Variants in EVPL observed in about 807,000 individuals in gnomAD.
EVPL encodes envoplakin.
EVPL carries 94 observed loss-of-function variants against 129.7 expected under a neutral mutation model. That is an observed-to-expected ratio of 0.72 (90% CI 0.61 to 0.86). EVPL has a LOEUF of 0.86. Ranked by LOEUF, EVPL falls within the 40% of genes least tolerant of loss-of-function variation. The pLI, the probability that EVPL is intolerant of heterozygous loss-of-function variation, is 0.00. For missense variants in EVPL, 2,625 were observed against 2,721.1 expected (o/e 0.96, Z 0.79); for synonymous variants, 1,172 against 1,191.1 (o/e 0.98, Z 0.33).
chr17:76,019,112 G>C, intron 10 of EVPL, 52 bp from the exon 11 acceptor site: 1 of 1,501,918 alleles, frequency 6.7e-7, no homozygotes, highest in Non-Finnish European at 8.8e-7. Flanking sequence ...ATTGGAGGCT[G>C]GCCACACCAT....
chr17:76,014,591 G>A lies in EVPL; in HGVS notation c.2223-15C>T. ...CCACCTTCTCCCTGCAGGAGGACGA[G>A]GCCCAGAACAGAGATAAGACCTGCC... is the stretch of plus-strand genomic sequence containing the variant. On this transcript the variant is annotated splice_polypyrimidine_tract_variant and intron_variant, in intron 17 of 21. Transcript: ENST00000301607. 6.2e-7 allele frequency: 1 copy of A among 1,610,376 alleles called. No homozygotes were observed. The highest frequency in any genetic ancestry group is 8.5e-7 in the Non-Finnish European group (1 of 1,179,144).
At position 76,024,049 on chromosome 17, in the gene EVPL, A is replaced by G; in HGVS notation, c.170T>C (p.Ile57Thr). 3 of 1,613,750 alleles carry G rather than the reference A, an allele frequency of 1.9e-6. No homozygotes were observed. In the South Asian group the frequency reaches 3.3e-5, roughly 18 times the overall value. Reference protein sequence around the residue: ...QANADQVERDILETQKRLQQD... With the variant: ...QANADQVERDTLETQKRLQQD... ...CTGCAGCCTCTTCTGCGTCTCCAGG[A>G]TGTCCCGCTCCACCTGGTCGGCGTT... Residue 57 changes from isoleucine to threonine, a missense_variant, in exon 2 of 22, where the codon ATC becomes ACC. This residue lies in a region of EVPL where 139 missense variants were observed against 186.8 expected (regional missense o/e 0.74). Coordinates refer to ENST00000301607, the MANE Select transcript of EVPL (RefSeq NM_001988.4). The surrounding 1 kb of genome is among the most constrained non-coding windows in gnomAD (Gnocchi z 4.5).
At chr17:76,026,384 T>G (rs2066498530) in intron 1 of EVPL, among the ~76,000 whole-genome samples, 1 of 152,052 alleles carries the variant, frequency 6.6e-6, no homozygotes, top group African/African-American at 2.4e-5. Flanking sequence ...TATTTTTTAT[T>G]TTTATTTTTT....
At position 76,018,509 on chromosome 17, in the gene EVPL, C is replaced by G. The variant is rs777858303; in HGVS notation, c.1376G>C (p.Arg459Pro). The G allele has an allele frequency of 3.7e-6, 6 of 1,612,446 alleles. No individual in the cohort carries two copies. Among genetic ancestry groups the G allele is most frequent in the Non-Finnish European group, 5.1e-6 (6 of 1,179,816 alleles). Residue 459 changes from arginine to proline, a missense_variant, in exon 12 of 22, where the codon CGT becomes CCT. Physicochemically the swap from Arg to Pro is moderately radical, Grantham distance 103. This residue lies in a region of EVPL where 1,024 missense variants were observed against 997.5 expected (regional missense o/e 1.03). Coordinates refer to ENST00000301607, the MANE Select transcript of EVPL (RefSeq NM_001988.4). Reference sequence around the variant, plus strand: ...GATGCAGAAGCAGGCGGCGGGAGCACGCTTGGTCTCCCCGCCAGGGCCCTG... The same window carrying G: ...GATGCAGAAGCAGGCGGCGGGAGCAGGCTTGGTCTCCCCGCCAGGGCCCTG... ...VVQGPGGETKRAPAACFCIPA... is the reference protein window; with the variant it reads ...VVQGPGGETKPAPAACFCIPA...
At chr17:76,016,740 C>T (rs2066421461) in intron 14 of EVPL, among the ~76,000 whole-genome samples, 1 of 152,090 alleles carries the variant, frequency 6.6e-6, no homozygotes, top group Non-Finnish European at 1.5e-5. Flanking sequence ...ATGGCAAAAC[C>T]CCATCTCTAC....
rs2066321449 is a variant in EVPL at position 76,007,096 on chromosome 17, G to C, written c.*7C>G. 4 of 1,453,636 alleles carry C rather than the reference G, an allele frequency of 2.8e-6. No homozygotes were observed. The highest frequency in any genetic ancestry group is 3.6e-6 in the Non-Finnish European group (4 of 1,102,726). 90.0% of individuals were successfully genotyped at this position (1,453,636 alleles called of 1,614,324 possible). On this transcript the variant is annotated 3_prime_UTR_variant, in exon 22 of 22. Coordinates refer to ENST00000301607, the MANE Select transcript of EVPL (RefSeq NM_001988.4). The surrounding 1 kb of genome is among the most constrained non-coding windows in gnomAD (Gnocchi z 8.8). ...CACGCACTTCCCCACTGGCTCCTTG[G>C]CCCGTGTCAGCGAAGGGAGCGCGGG...
In EVPL at chr17:76,027,163, C is replaced by T. The variant is rs1202319884; in HGVS notation, c.36G>A (p.Lys12=). The T allele has an allele frequency of 6.3e-7, 1 of 1,586,344 alleles. No homozygotes were observed. The highest frequency in any genetic ancestry group is 8.6e-7 in the Non-Finnish European group (1 of 1,169,578). The change falls in exon 1 of 22, where the codon AAG becomes AAA. Residue 12 remains lysine, a synonymous_variant. Transcript: ENST00000301607. ...TGGCGGGGGAGCCCTTGGGGGACCC[C>T]TTCCCCTGGGAGCCTTTGCTCAGCC... is the stretch of plus-strand genomic sequence containing the variant. ...FKGLSKGSQG[K]GSPKGSPAKG... is the part of the protein sequence containing the mutation.
chr17:76,008,239 C>T lies in EVPL; in HGVS notation c.4966G>A (p.Glu1656Lys). The stretch of plus-strand genomic sequence containing the variant: ...GCGTGGAGGTCCCGGAGCGTCCGCT[C>T]CTTCTCGTAGATCTGGTCCTTCTCG... ...LREKDQIYEKERTLRDLHAKV... is the reference protein window; with the variant it reads ...LREKDQIYEKKRTLRDLHAKV... The change falls in exon 22 of 22, where the codon GAG (glutamate) becomes AAG (lysine). Residue 1656 changes from glutamate to lysine, a missense_variant. Around this residue, in one of 4 missense-constraint regions of EVPL, gnomAD observed 1,453 missense variants for 1,511.8 expected, o/e 0.96. Transcript: ENST00000301607. This position sits in a 1 kb window ranked among gnomAD's most constrained non-coding sequence, Gnocchi z 7.4. The T allele has an allele frequency of 6.2e-7, 1 of 1,613,830 alleles. No homozygotes were observed. Among genetic ancestry groups the T allele is most frequent in the South Asian group, 1.1e-5 (1 of 91,084 alleles).
chr17:76,026,765 C>G (rs2066500802), intron 1 of EVPL, among the ~76,000 whole-genome samples: 1 of 150,882 alleles, frequency 6.6e-6, no homozygotes, highest in African/African-American at 2.5e-5. Flanking sequence ...TCTCCTGTCT[C>G]CCAGCCTCTG....
Position 76,008,643 on chromosome 17 carries a change from T to C in EVPL, c.4562A>G (p.Lys1521Arg). The C allele has an allele frequency of 6.2e-7, 1 of 1,611,754 alleles. No individual in the cohort carries two copies. Among genetic ancestry groups the C allele is most frequent in the Non-Finnish European group, 8.5e-7 (1 of 1,180,024 alleles). ...GTCCTTCTGCACCCGGATCACTTCC[T>C]TGTAGATGGTCTTCTCCTGCGATTT... ...KAKSQEKTIYKEVIRVQKDRV... is the reference protein window; with the variant it reads ...KAKSQEKTIYREVIRVQKDRV... Residue 1521 changes from lysine to arginine, a missense_variant, in exon 22 of 22, where the codon AAG becomes AGG. Lys to Arg is a conservative substitution (Grantham distance 26). This residue lies in a region of EVPL where 1,453 missense variants were observed against 1,511.8 expected (regional missense o/e 0.96). Coordinates refer to ENST00000301607, the MANE Select transcript of EVPL (RefSeq NM_001988.4). The surrounding 1 kb of genome is among the most constrained non-coding windows in gnomAD (Gnocchi z 7.4).
rs1440821286 is a variant in EVPL at position 76,008,947 on chromosome 17, CCTG to C, written c.4255_4257del (p.Gln1419del). ...TCCTCCTGGAAGCTGAGCAGGCCCT[CCTG>C]CTCCTCCACGCCGGCCCGCAGCTGC... On this transcript the variant is annotated inframe_deletion, in exon 22 of 22. Coordinates refer to ENST00000301607, the MANE Select transcript of EVPL (RefSeq NM_001988.4). The surrounding 1 kb of genome is among the most constrained non-coding windows in gnomAD (Gnocchi z 7.4). The C allele has an allele frequency of 6.2e-7, 1 of 1,612,208 alleles. No homozygotes were observed. Among genetic ancestry groups the C allele is most frequent in the East Asian group, 2.2e-5 (1 of 44,860 alleles).
chr17:76,008,249 G>GATCT lies in EVPL; in HGVS notation c.4952_4955dup (p.Tyr1653AspfsTer71). On this transcript the variant is annotated frameshift_variant, in exon 22 of 22. Transcript: ENST00000301607. LOFTEE classifies it high-confidence loss of function. The surrounding 1 kb of genome is among the most constrained non-coding windows in gnomAD (Gnocchi z 7.4). Reference sequence around the variant, plus strand: ...CCCGGAGCGTCCGCTCCTTCTCGTAGATCTGGTCCTTCTCGCGGAGGATGG... The same window carrying GATCT: ...CCCGGAGCGTCCGCTCCTTCTCGTAGATCTATCTGGTCCTTCTCGCGGAGGATGG... 6.2e-7 allele frequency: 1 copy of GATCT among 1,613,642 alleles called. No individual in the cohort carries two copies. The highest frequency in any genetic ancestry group is 2.2e-5 in the East Asian group (1 of 44,890).
At chr17:76,011,138 C>G (rs1431274010) in intron 21 of EVPL, among the ~76,000 whole-genome samples, 1 of 152,246 alleles carries the variant, frequency 6.6e-6, no homozygotes, top group Non-Finnish European at 1.5e-5. Context: ...CCCTTTTCCC[C>G]TTCCATCCAG....
intron 1 of EVPL, among the ~76,000 whole-genome samples, chr17:76,025,682 C>A (rs1454583403): frequency 6.6e-6 from 1 of 152,244 alleles, no homozygotes; most frequent in Non-Finnish European, 1.5e-5. Context: ...AGACACCCAG[C>A]CTCGGTGTCT....
Position 76,017,857 on chromosome 17 carries a change from A to G in EVPL, c.1592T>C (p.Met531Thr), listed in dbSNP as rs1418243231. ...TCCCAGGTCTCCATCCAGCCGGGTC[A>G]TCTGTGTCAGGAGCTTCTGGGCCTG... is the stretch of plus-strand genomic sequence containing the variant. ...NPQAQKLLTQ[M>T]TRLDGDLGQI... The change falls in exon 14 of 22, where the codon ATG (methionine) becomes ACG (threonine). Residue 531 changes from methionine to threonine, a missense_variant. Physicochemically the swap from Met to Thr is moderately conservative, Grantham distance 81. Transcript: ENST00000301607. The G allele has an allele frequency of 6.2e-7, 1 of 1,613,956 alleles. No homozygotes were observed. The highest frequency in any genetic ancestry group is 2.2e-5 in the East Asian group (1 of 44,898).
At chr17:76,020,614 G>T (rs970509541) in intron 9 of EVPL, among the ~76,000 whole-genome samples, 7 of 148,628 alleles carry the variant, frequency 4.7e-5, no homozygotes, top group Admixed American at 1.3e-4. Context: ...TTTCTCAACC[G>T]TTTTTTTTTT....
rs2066487932 is a variant in EVPL at position 76,024,848 on chromosome 17, GCA to G, written c.99-730_99-729del. ...GCATTCGCCCTGCAGCCTCCATAGA[GCA>G]CCTGCTGTGTGCATGCACTCACTGT... is the stretch of plus-strand genomic sequence containing the variant. On this transcript the variant is annotated intron_variant, in intron 1 of 21. Coordinates refer to ENST00000301607, the MANE Select transcript of EVPL (RefSeq NM_001988.4). This position sits in a 1 kb window ranked among gnomAD's most constrained non-coding sequence, Gnocchi z 4.5. Among the ~76,000 whole-genome samples the G allele has an allele frequency of 6.6e-6, 1 of 152,214 alleles. No homozygotes were observed. The highest frequency in any genetic ancestry group is 2.1e-4 in the South Asian group (1 of 4,834).
At position 76,007,988 on chromosome 17, in the gene EVPL, C is replaced by A; in HGVS notation, c.5217G>T (p.Leu1739=). 1.9e-6 allele frequency: 3 copies of A among 1,614,142 alleles called. No individual in the cohort carries two copies. The highest frequency in any genetic ancestry group is 2.5e-6 in the Non-Finnish European group (3 of 1,180,036). The change falls in exon 22 of 22, where the codon CTG becomes CTT. Residue 1739 remains leucine (L), a synonymous_variant. Transcript: ENST00000301607. This position sits in a 1 kb window ranked among gnomAD's most constrained non-coding sequence, Gnocchi z 8.8. Reference sequence around the variant, plus strand: ...AGTACTGCTTCCCGCTCTTGCGGTCCAGGAGCACAGACTCCTCCCCACAGG... The same window carrying A: ...AGTACTGCTTCCCGCTCTTGCGGTCAAGGAGCACAGACTCCTCCCCACAGG... ...SGPCGEESVL[L]DRKSGKQYSI...
rs549346441 is a variant in EVPL, at chr17:76,017,672, C to G, written c.1710+67G>C. ...ACCGCTCCTGCACTTGCCTCACCTC[C>G]CTCAAGTGTGAGCACCAGGGCCGGG... On this transcript the variant is annotated intron_variant, in intron 14 of 21. Transcript: ENST00000301607. 5 of 1,567,398 alleles carry G rather than the reference C, an allele frequency of 3.2e-6. No individual in the cohort carries two copies. The East Asian group carries it at 1.1e-4, about 35-fold the overall frequency.
Sources: gnomAD v4.1 joint callset for allele counts (sites outside exome capture counted in the v4.1 genomes callset) on GRCh38, gnomAD v4.1.1 for gene constraint, gnomAD v4.1.1 regional missense constraint, Gnocchi (gnomAD v3.1) non-coding constraint, MANE v1.5 for transcripts, NCBI Gene and HGNC (gene_info 2026-07-23, HGNC 2026-07-21) for gene names.